Variants in MAP7 observed in about 807,000 individuals in gnomAD.
The protein encoded by MAP7 is microtubule associated protein 7.
MAP7 carries 52 observed loss-of-function variants against 94.8 expected under a neutral mutation model. That is an observed-to-expected ratio of 0.55 (90% confidence interval 0.44 to 0.69). The LOEUF is 0.69. Ranked by LOEUF, MAP7 falls within the 30% of genes least tolerant of loss-of-function variation. The pLI is 0.00. For missense variants in MAP7, 940 were observed against 964.6 expected, an observed-to-expected ratio of 0.97 and a Z score of 0.34; for synonymous variants, 350 against 357.0, an observed-to-expected ratio of 0.98 and a Z score of 0.22.
intron 1 of MAP7, among the ~76,000 whole-genome samples, chr6:136,426,476 A>T (rs545494168): frequency 6.6e-6 from 1 of 152,334 alleles, no homozygotes; most frequent in South Asian, 2.1e-4. Context: ...TTTTCTAAAA[A>T]ATCCATAAAC....
intron 6 of MAP7, among the ~76,000 whole-genome samples, chr6:136,382,073 C>A (rs1777960752): frequency 6.6e-6 from 1 of 152,104 alleles, no homozygotes; most frequent in Non-Finnish European, 1.5e-5. Flanking sequence ...AGGCTCGCAA[C>A]CTCTTAGGGA....
At chr6:136,432,480 A>G (rs1198136991) in intron 1 of MAP7, among the ~76,000 whole-genome samples, 1 of 152,222 alleles carries the variant, frequency 6.6e-6, no homozygotes, top group East Asian at 1.9e-4. Context: ...AACATTTGTA[A>G]TAGAAATCAG....
At chr6:136,453,971 T>C (rs1347991624) in intron 1 of MAP7, among the ~76,000 whole-genome samples, 1 of 152,166 alleles carries the variant, frequency 6.6e-6, no homozygotes, top group Non-Finnish European at 1.5e-5. Context: ...TTTTTTTCCT[T>C]TTTTTGCTAG....
intron 1 of MAP7, among the ~76,000 whole-genome samples, chr6:136,529,138 G>A (rs1040692288): frequency 2.6e-5 from 4 of 152,142 alleles, no homozygotes; most frequent in Non-Finnish European, 5.9e-5. Context: ...TGAACTCTTT[G>A]AGATGGAGTC....
intron 1 of MAP7, among the ~76,000 whole-genome samples, chr6:136,472,809 T>A (rs1221054319): frequency 1.3e-5 from 2 of 152,016 alleles, no homozygotes; most frequent in Non-Finnish European, 2.9e-5. Context: ...AACTCATTCC[T>A]ATAACTTGTC....
chr6:136,367,683 A>G (rs1226147399), intron 8 of MAP7, among the ~76,000 whole-genome samples: 2 of 152,196 alleles, frequency 1.3e-5, no homozygotes, highest in Admixed American at 1.3e-4. Flanking sequence ...CCAGCTCTGC[A>G]TCATTTCCAG....
In MAP7 at chr6:136,408,699, A is replaced by T. The variant is rs528802866; in HGVS notation, c.244+2921T>A. Among the ~76,000 whole-genome samples, 7 of 152,024 alleles carry T rather than the reference A, an allele frequency of 4.6e-5. No homozygotes were observed. In the East Asian group the frequency reaches 1.4e-3, roughly 30 times the overall value. On this transcript the variant is annotated intron_variant, in intron 3 of 17. Transcript: ENST00000354570. ...AAGTTGGTAAGAGTTGACATTACCAACTATTTTTTTTTTGTTTTCAAATTA... is the reference window on the plus strand; with the variant it reads ...AAGTTGGTAAGAGTTGACATTACCATCTATTTTTTTTTTGTTTTCAAATTA...
At chr6:136,363,433 C>T (rs1196784017) in intron 10 of MAP7, among the ~76,000 whole-genome samples, 1 of 152,216 alleles carries the variant, frequency 6.6e-6, no homozygotes, top group Non-Finnish European at 1.5e-5. Context: ...TGCTCCAGCC[C>T]CTCCTTTTGA....
intron 11 of MAP7, 34 bp from the exon 12 acceptor site, chr6:136,361,213 A>G (rs1273143015): frequency 2.5e-6 from 4 of 1,598,432 alleles, no homozygotes; most frequent in Non-Finnish European, 2.5e-6. Flanking sequence ...AAAACCAAAG[A>G]CACCTGAGGA....
intron 1 of MAP7, among the ~76,000 whole-genome samples, chr6:136,424,651 A>G (rs377412787): frequency 3.3e-5 from 5 of 152,122 alleles, no homozygotes; most frequent in African/African-American, 7.2e-5. Context: ...ATTCCTTCCA[A>G]CGTCTTCCCA....
chr6:136,406,349 A>G (rs955906689), intron 3 of MAP7, among the ~76,000 whole-genome samples: 1 of 152,184 alleles, frequency 6.6e-6, no homozygotes, highest in African/African-American at 2.4e-5. Flanking sequence ...ATCTATGAGG[A>G]AGGAGAATAA....
At chr6:136,547,634 A>G (rs944383853) in intron 1 of MAP7, among the ~76,000 whole-genome samples, 3 of 152,174 alleles carry the variant, frequency 2.0e-5, no homozygotes, top group Non-Finnish European at 4.4e-5. Flanking sequence ...ATATTGGAAG[A>G]ACTTTTCATC....
intron 5 of MAP7, among the ~76,000 whole-genome samples, chr6:136,387,311 T>A (rs767691919): frequency 6.6e-6 from 1 of 152,146 alleles, no homozygotes; most frequent in Admixed American, 6.6e-5. Flanking sequence ...CTAAAAAACA[T>A]TTTTTAAAGG....
intron 1 of MAP7, chr6:136,526,575 T>C (rs1827935397): frequency 1.0e-6 from 1 of 985,518 alleles, no homozygotes; most frequent in Non-Finnish European, 1.2e-6. Flanking sequence ...TGCAGGATGC[T>C]GGGTTCTGGG....
intron 1 of MAP7, among the ~76,000 whole-genome samples, chr6:136,543,321 A>T (rs7758987): frequency 0.12 from 18,414 of 152,270 alleles, 1,253 homozygotes; most frequent in East Asian, 0.15. Context: ...TCTCAAAAAC[A>T]TGATGCCAGG....
At chr6:136,464,415 G>A (rs1267826707) in intron 1 of MAP7, among the ~76,000 whole-genome samples, 2 of 152,156 alleles carry the variant, frequency 1.3e-5, no homozygotes, top group East Asian at 1.9e-4. Context: ...CCACATTCAC[G>A]TAACTCCTAT....
At chr6:136,511,076 C>T (rs1012741435) in intron 1 of MAP7, among the ~76,000 whole-genome samples, 1 of 152,120 alleles carries the variant, frequency 6.6e-6, no homozygotes, top group African/African-American at 2.4e-5. Flanking sequence ...AGATGTGTGT[C>T]ACTGAAACTT....
chr6:136,542,105 A>G (rs1480643405), intron 1 of MAP7, among the ~76,000 whole-genome samples: 2 of 152,242 alleles, frequency 1.3e-5, no homozygotes, highest in Non-Finnish European at 2.9e-5. Context: ...TAATAAAAAA[A>G]TCTTACAGAT....
intron 1 of MAP7, among the ~76,000 whole-genome samples, chr6:136,452,432 T>C (rs1308193525): frequency 2.0e-5 from 3 of 152,216 alleles, no homozygotes; most frequent in Non-Finnish European, 4.4e-5. Flanking sequence ...TCAAACAGCA[T>C]TGCATGCTGC....
Sources: gnomAD v4.1 joint callset for allele counts (sites outside exome capture counted in the v4.1 genomes callset) on GRCh38, gnomAD v4.1.1 for gene constraint, MANE v1.5 for transcripts, NCBI Gene and HGNC (gene_info 2026-07-23, HGNC 2026-07-21) for gene names.